The following RPS6KC1 variants were observed in gnomAD, a reference collection of about 807,000 sequenced individuals.
The protein encoded by RPS6KC1 is ribosomal protein S6 kinase C1.
In RPS6KC1, 54 loss-of-function variants were observed where a neutral mutation model predicts 103.8. That is an observed-to-expected ratio of 0.52 (90% confidence interval 0.42 to 0.65). The LOEUF is 0.65. RPS6KC1 is among the 30% of genes least tolerant of loss of function. RPS6KC1 has a pLI of 0.00. For missense variants in RPS6KC1, 1,151 were observed against 1,253.8 expected, an observed-to-expected ratio of 0.92 and a Z score of 1.24; for synonymous variants, 439 against 438.7, an observed-to-expected ratio of 1.00 and a Z score of -0.01.
the RPS6KC1 span, among the ~76,000 whole-genome samples, chr1:213,418,651 C>G: frequency 2.0e-5 from 3 of 152,246 alleles, no homozygotes; most frequent in Non-Finnish European, 4.4e-5. Flanking sequence ...AATGAGGACT[C>G]TCTTCCCCAG....
the RPS6KC1 span, among the ~76,000 whole-genome samples, chr1:213,610,526 A>G: frequency 1.3e-5 from 2 of 152,200 alleles, no homozygotes; most frequent in Admixed American, 1.3e-4. Flanking sequence ...CAGAGGAAGC[A>G]CAGGCGACTC....
the RPS6KC1 span, among the ~76,000 whole-genome samples, chr1:213,732,268 G>A: frequency 6.6e-6 from 1 of 152,114 alleles, no homozygotes; most frequent in African/African-American, 2.4e-5. Flanking sequence ...TTTACTTTAT[G>A]CAGATTGCAG....
At chr1:213,086,078 C>G (rs1027557031) in intron 3 of RPS6KC1, among the ~76,000 whole-genome samples, 3 of 152,166 alleles carry the variant, frequency 2.0e-5, no homozygotes, top group Non-Finnish European at 4.4e-5. Flanking sequence ...TGCTGCTTCT[C>G]AGTTTATTGT....
the RPS6KC1 span, among the ~76,000 whole-genome samples, chr1:213,740,703 CA>C: frequency 1.2e-5 from 1 of 81,932 alleles, no homozygotes; most frequent in Non-Finnish European, 2.6e-5. Context: ...CACATATATA[CA>C]TCTCAGATAT....
the RPS6KC1 span, among the ~76,000 whole-genome samples, chr1:213,486,895 G>A: frequency 6.6e-6 from 1 of 152,272 alleles, no homozygotes; most frequent in African/African-American, 2.4e-5. Flanking sequence ...ACAGCTCTCT[G>A]GCCTTGAAAT....
the RPS6KC1 span, among the ~76,000 whole-genome samples, chr1:213,834,302 G>A: frequency 6.6e-6 from 1 of 152,190 alleles, no homozygotes; most frequent in Non-Finnish European, 1.5e-5. Flanking sequence ...TGGGATTACA[G>A]GTATGAGCCA....
At chr1:213,580,828 A>G in the RPS6KC1 span, among the ~76,000 whole-genome samples, 9 of 152,022 alleles carry the variant, frequency 5.9e-5, no homozygotes, top group African/African-American at 2.2e-4. Flanking sequence ...ACAAAATGCT[A>G]TGCTATTGCA....
the RPS6KC1 span, among the ~76,000 whole-genome samples, chr1:213,509,684 G>A: frequency 6.6e-6 from 1 of 152,116 alleles, no homozygotes; most frequent in Admixed American, 6.5e-5. Context: ...ACCAAGAAAT[G>A]CCAATTCTTA....
At chr1:213,766,722 C>T in the RPS6KC1 span, among the ~76,000 whole-genome samples, 1 of 152,140 alleles carries the variant, frequency 6.6e-6, no homozygotes, top group African/African-American at 2.4e-5. Context: ...GTGTCATTCT[C>T]ATACCTCCCT....
chr1:213,855,195 A>G, the RPS6KC1 span, among the ~76,000 whole-genome samples: 1 of 152,214 alleles, frequency 6.6e-6, no homozygotes, highest in African/African-American at 2.4e-5. Context: ...GAGGGATGCA[A>G]TTTAGTCCAT....
intron 4 of RPS6KC1, among the ~76,000 whole-genome samples, chr1:213,110,266 T>C (rs1248263737): frequency 3.3e-5 from 5 of 152,190 alleles, no homozygotes; most frequent in African/African-American, 1.2e-4. Flanking sequence ...CTTTCCTGTG[T>C]CTTTGTATGT....
At chr1:213,191,885 T>G (rs1049051115) in intron 8 of RPS6KC1, among the ~76,000 whole-genome samples, 4 of 152,098 alleles carry the variant, frequency 2.6e-5, no homozygotes, top group Non-Finnish European at 5.9e-5. Flanking sequence ...CTCGGCTCAC[T>G]GCAACCTCCG....
chr1:213,629,858 G>A, the RPS6KC1 span, among the ~76,000 whole-genome samples: 1 of 152,128 alleles, frequency 6.6e-6, no homozygotes, highest in Admixed American at 6.6e-5. Flanking sequence ...AGTTTGGCTG[G>A]ATATGAAATT....
intron 8 of RPS6KC1, among the ~76,000 whole-genome samples, chr1:213,213,368 T>G (rs1444220932): frequency 6.6e-6 from 1 of 152,170 alleles, no homozygotes; most frequent in East Asian, 1.9e-4. Context: ...TTGAGTATAT[T>G]TATGTGGGTC....
the RPS6KC1 span, among the ~76,000 whole-genome samples, chr1:213,303,792 A>G: frequency 6.6e-6 from 1 of 152,186 alleles, no homozygotes; most frequent in Non-Finnish European, 1.5e-5. Flanking sequence ...AAATAGTGTT[A>G]TAATAATATT....
the RPS6KC1 span, among the ~76,000 whole-genome samples, chr1:213,624,725 G>T: frequency 6.6e-6 from 1 of 152,256 alleles, no homozygotes; most frequent in African/African-American, 2.4e-5. Flanking sequence ...GACCTGTGGT[G>T]CTCAGGATCC....
At chr1:213,289,253 CAAAAAA>C in the RPS6KC1 span, among the ~76,000 whole-genome samples, 21 of 77,102 alleles carry the variant, frequency 2.7e-4, no homozygotes, top group East Asian at 4.4e-4. Context: ...GTTGGATGCT[CAAAAAA>C]AAAAAAAAAA....
chr1:213,103,653 T>C (rs1302510070), intron 3 of RPS6KC1, among the ~76,000 whole-genome samples: 1 of 152,188 alleles, frequency 6.6e-6, no homozygotes, highest in Non-Finnish European at 1.5e-5. Context: ...CAGTTTTCTG[T>C]TAATACTCTG....
intron 8 of RPS6KC1, among the ~76,000 whole-genome samples, chr1:213,195,330 G>A (rs1304507522): frequency 6.6e-6 from 1 of 152,144 alleles, no homozygotes; most frequent in Non-Finnish European, 1.5e-5. Context: ...TACATACAAT[G>A]TAGCCCTTAG....
Sources: allele counts gnomAD v4.1 joint callset (sites outside exome capture counted in the v4.1 genomes callset), GRCh38; gene constraint gnomAD v4.1.1; transcripts MANE v1.5; gene names NCBI Gene and HGNC (gene_info 2026-07-23, HGNC 2026-07-21).